Variants in LIN9 observed in about 807,000 individuals in gnomAD.
LIN9 encodes the protein protein lin-9 homolog.
In LIN9, 18 loss-of-function variants were observed where a neutral mutation model predicts 78.0. That is an observed-to-expected ratio of 0.23 (90% CI 0.16 to 0.34). LIN9 has a LOEUF of 0.34. LIN9 is among the 10% of genes least tolerant of loss of function. The pLI is 1.00. For synonymous variants in LIN9, 192 were observed against 215.2 expected (o/e 0.89, Z 0.94); for missense variants, 451 against 644.1 (o/e 0.70, Z 3.25).
chr1:226,233,225 C>T lies in LIN9; in HGVS notation c.1426-32G>A, dbSNP rs374529707. 3.3e-5 allele frequency: 51 copies of T among 1,540,618 alleles called. No individual in the cohort carries two copies. The African/African-American group carries it at 5.4e-4, about 16-fold the overall frequency. ...GGAAAAAAATTTCAAAATTTAATTG[C>T]ATTATAGCTCAAATATAGTCATAAA... On this transcript the variant is annotated intron_variant, in intron 13 of 14. Coordinates refer to ENST00000681046, the MANE Select transcript of LIN9 (RefSeq NM_001366245.2).
chr1:226,292,101 A>G (rs1464662307), intron 4 of LIN9, among the ~76,000 whole-genome samples: 1 of 152,140 alleles, frequency 6.6e-6, no homozygotes, highest in East Asian at 1.9e-4. Context: ...ATCGAATATA[A>G]AACTATATTA....
chr1:226,245,375 T>C (rs142767167), intron 11 of LIN9, among the ~76,000 whole-genome samples: 1 of 152,184 alleles, frequency 6.6e-6, no homozygotes, highest in African/African-American at 2.4e-5. Context: ...TCCTCACCAA[T>C]ACAGTGTTTT....
intron 4 of LIN9, among the ~76,000 whole-genome samples, 175 bp from the exon 5 acceptor site, chr1:226,287,972 G>T (rs939313367): frequency 2.0e-5 from 3 of 150,504 alleles, no homozygotes; most frequent in South Asian, 2.1e-4. Context: ...GATTATTTTT[G>T]ATTATTGCCT....
At chr1:226,257,263 G>T (rs1175399644) in intron 10 of LIN9, among the ~76,000 whole-genome samples, 4 of 152,082 alleles carry the variant, frequency 2.6e-5, no homozygotes, top group Admixed American at 6.6e-5. Context: ...AATGTTAAAT[G>T]ATGTTCTTTA....
At chr1:226,288,193 A>G (rs1661495536) in intron 4 of LIN9, among the ~76,000 whole-genome samples, 1 of 152,144 alleles carries the variant, frequency 6.6e-6, no homozygotes, top group Non-Finnish European at 1.5e-5. Flanking sequence ...GCTGGTCTCA[A>G]ACTCCTGACC....
At chr1:226,303,086 T>C (rs1357609064) in intron 1 of LIN9, among the ~76,000 whole-genome samples, 1 of 152,162 alleles carries the variant, frequency 6.6e-6, no homozygotes, top group African/African-American at 2.4e-5. Context: ...GTGAATGACA[T>C]AAAATCTTGC....
chr1:226,307,125 C>T (rs1366548954), intron 1 of LIN9, among the ~76,000 whole-genome samples: 1 of 152,148 alleles, frequency 6.6e-6, no homozygotes, highest in Non-Finnish European at 1.5e-5. Flanking sequence ...TGATATGAAG[C>T]AAATATTCCT....
Position 226,233,452 on chromosome 1 carries a change from T to C in LIN9, c.1317A>G (p.Ala439=), listed in dbSNP as rs764380938. ...AATTTGCATGCCGAACAATTTCCTG[T>C]GCTTCTTCCTCACACCTGCGTCTCA... is the stretch of plus-strand genomic sequence containing the variant. ...TDMRRRCEEE[A]QEIVRHANSS... is the part of the protein sequence containing the mutation. Residue 439 remains alanine, a synonymous_variant, in exon 13 of 15, where the codon GCA becomes GCG. Transcript: ENST00000681046. 1.9e-6 allele frequency: 3 copies of C among 1,614,214 alleles called. No individual in the cohort carries two copies. The highest frequency in any genetic ancestry group is 2.2e-5 in the South Asian group (2 of 91,084).
At chr1:226,304,879 T>C (rs1662803220) in intron 1 of LIN9, among the ~76,000 whole-genome samples, 1 of 152,124 alleles carries the variant, frequency 6.6e-6, no homozygotes, top group South Asian at 2.1e-4. Flanking sequence ...ACTAGGAAGT[T>C]ACATAGTAAT....
chr1:226,244,381 G>A (rs1267208923), intron 11 of LIN9, among the ~76,000 whole-genome samples: 6 of 152,010 alleles, frequency 3.9e-5, no homozygotes, highest in Admixed American at 6.5e-5. Context: ...GCAGTGAGCC[G>A]AGATCGTGCC....
chr1:226,282,515 T>C (rs1180704231), intron 6 of LIN9, among the ~76,000 whole-genome samples: 1 of 152,142 alleles, frequency 6.6e-6, no homozygotes, highest in Admixed American at 6.6e-5. Flanking sequence ...ACTCTGCCCA[T>C]CTGATAGTTA....
chr1:226,293,307 T>C (rs1362890852), intron 4 of LIN9, among the ~76,000 whole-genome samples: 5 of 152,218 alleles, frequency 3.3e-5, no homozygotes, highest in Non-Finnish European at 7.3e-5. Context: ...AAAAGGGCTC[T>C]GTAAAATAGT....
At chr1:226,308,779 C>T in intron 1 of LIN9, 1 of 185,310 alleles carries the variant, frequency 5.4e-6, no homozygotes. Flanking sequence ...GGACAGCCCC[C>T]GCGCCCAGGG....
chr1:226,295,700 GTAAC>G (rs756538402), intron 4 of LIN9, 138 bp downstream of exon 4: 10 of 534,246 alleles, frequency 1.9e-5, no homozygotes, highest in Non-Finnish European at 3.3e-5. Context: ...CATTTTCTAG[GTAAC>G]TAAAACAGGA....
chr1:226,282,088 C>T (rs979704410), intron 6 of LIN9, among the ~76,000 whole-genome samples: 1 of 152,144 alleles, frequency 6.6e-6, no homozygotes, highest in African/African-American at 2.4e-5. Context: ...CTACAGTATG[C>T]ACTGTTGTGT....
chr1:226,270,926 CTTT>C (rs1253754599), intron 7 of LIN9, among the ~76,000 whole-genome samples: 1 of 142,572 alleles, frequency 7.0e-6, no homozygotes. Flanking sequence ...TAAATAAAAT[CTTT>C]TTTATTTCTT....
intron 12 of LIN9, among the ~76,000 whole-genome samples, chr1:226,235,612 T>C (rs1224937129): frequency 6.6e-6 from 1 of 152,214 alleles, no homozygotes; most frequent in African/African-American, 2.4e-5. Flanking sequence ...TGAGTTTCAC[T>C]TTGGCACTCA....
In LIN9 at chr1:226,273,681, A is replaced by C. The variant is rs1478062913; in HGVS notation, c.682+4094T>G. Among the ~76,000 whole-genome samples the C allele has an allele frequency of 4.6e-5, 7 of 152,152 alleles. No individual in the cohort carries two copies. The East Asian group carries it at 1.3e-3, about 29-fold the overall frequency. The stretch of plus-strand genomic sequence containing the variant: ...TTACTTTGAAACTTGTCAGACATGC[A>C]AATTCCCAGGCCCTATCCCAGACCT... On this transcript the variant is annotated intron_variant, in intron 7 of 14. Transcript: ENST00000681046.
intron 7 of LIN9, among the ~76,000 whole-genome samples, chr1:226,276,512 T>G (rs927437899): frequency 6.6e-6 from 1 of 152,202 alleles, no homozygotes; most frequent in Non-Finnish European, 1.5e-5. Flanking sequence ...AAACTGTGTT[T>G]GCATTTCATA....
Sources: gnomAD v4.1 joint callset for allele counts (sites outside exome capture counted in the v4.1 genomes callset) on GRCh38, gnomAD v4.1.1 for gene constraint, MANE v1.5 for transcripts, NCBI Gene and HGNC (gene_info 2026-07-23, HGNC 2026-07-21) for gene names.